RIMS2: variants seen among roughly 807,000 people sequenced by gnomAD.
RIMS2 encodes the protein regulating synaptic membrane exocytosis 2.
RIMS2 carries 59 observed loss-of-function variants against 174.4 expected under a neutral mutation model. The observed-to-expected ratio is 0.34, with a 90% CI of 0.27 to 0.42. The LOEUF (loss-of-function observed/expected upper bound fraction) is 0.42, where lower values mean the gene tolerates loss of function less well. Ranked by LOEUF, RIMS2 falls within the 10% of genes least tolerant of loss-of-function variation. The probability of loss-of-function intolerance (pLI) is 1.00; values close to 1 mark genes in which losing one functional copy is unlikely to be tolerated. For synonymous variants in RIMS2, 606 were observed against 572.5 expected (o/e 1.06, Z -0.84); for missense variants, 1,620 against 1,666.3 (o/e 0.97, Z 0.48).
intron 3 of RIMS2, among the ~76,000 whole-genome samples, chr8:103,803,356 T>C (rs1450783342): frequency 6.6e-6 from 1 of 152,152 alleles, no homozygotes; most frequent in African/African-American, 2.4e-5. Flanking sequence ...AAAGTGGTGG[T>C]TCTCAAACTT....
chr8:104,136,114 T>C (rs1458401625), intron 19 of RIMS2, among the ~76,000 whole-genome samples: 2 of 152,214 alleles, frequency 1.3e-5, no homozygotes, highest in Non-Finnish European at 2.9e-5. Flanking sequence ...CTACTCAATA[T>C]ACAAATCATC....
intron 19 of RIMS2, among the ~76,000 whole-genome samples, chr8:104,232,102 T>C (rs2099233339): frequency 3.9e-5 from 6 of 152,260 alleles, no homozygotes; most frequent in Non-Finnish European, 1.5e-5. Context: ...TTGGGAATTA[T>C]GTGATCATGT....
intron 1 of RIMS2, among the ~76,000 whole-genome samples, chr8:103,504,136 T>C (rs1288476405): frequency 6.6e-6 from 1 of 152,164 alleles, no homozygotes; most frequent in Non-Finnish European, 1.5e-5. Context: ...ATTCAATTTA[T>C]CAGTAAAATT....
chr8:104,094,180 T>A (rs1372431395), intron 19 of RIMS2, among the ~76,000 whole-genome samples: 1 of 151,978 alleles, frequency 6.6e-6, no homozygotes, highest in African/African-American at 2.4e-5. Context: ...CTAAGCTAAA[T>A]TTTGTTTTAC....
intron 3 of RIMS2, among the ~76,000 whole-genome samples, chr8:103,789,395 C>T (rs1409460196): frequency 1.3e-5 from 2 of 152,106 alleles, no homozygotes; most frequent in Non-Finnish European, 2.9e-5. Flanking sequence ...AAAGGGCTAA[C>T]ATGATTTATC....
At chr8:104,057,070 T>C (rs568817628) in intron 19 of RIMS2, among the ~76,000 whole-genome samples, 82 of 150,242 alleles carry the variant, frequency 5.5e-4, no homozygotes, top group African/African-American at 7.1e-4. Context: ...TTTCTTTTTT[T>C]TTTTTTTTTC....
At chr8:104,107,969 C>CCG (rs1555232703) in intron 19 of RIMS2, among the ~76,000 whole-genome samples, 9 of 80,684 alleles carry the variant, frequency 1.1e-4, no homozygotes, top group African/African-American at 3.7e-4. Flanking sequence ...TTTCCCCTGC[C>CCG]CCCCCCCCAC....
At chr8:103,508,300 G>C (rs1824663770) in intron 1 of RIMS2, among the ~76,000 whole-genome samples, 1 of 152,020 alleles carries the variant, frequency 6.6e-6, no homozygotes, top group South Asian at 2.1e-4. Flanking sequence ...AGTGTATCAT[G>C]GATATATTTT....
At chr8:103,939,310 C>T (rs1222029169) in intron 13 of RIMS2, among the ~76,000 whole-genome samples, 2 of 152,236 alleles carry the variant, frequency 1.3e-5, no homozygotes, top group Non-Finnish European at 2.9e-5. Flanking sequence ...CACCTGCAGG[C>T]TCAACACCAT....
intron 2 of RIMS2, among the ~76,000 whole-genome samples, chr8:103,754,851 A>G: frequency 6.6e-6 from 1 of 152,074 alleles, no homozygotes; most frequent in Non-Finnish European, 1.5e-5. Context: ...TCTCCTGAAT[A>G]CAGCACACTG....
At chr8:103,760,614 G>C (rs1372568909) in intron 2 of RIMS2, among the ~76,000 whole-genome samples, 2 of 152,142 alleles carry the variant, frequency 1.3e-5, no homozygotes, top group African/African-American at 2.4e-5. Flanking sequence ...TGAGCCTCTG[G>C]ATTTCCAGAC....
At chr8:104,032,988 G>T (rs563934158) in intron 19 of RIMS2, among the ~76,000 whole-genome samples, 1 of 152,014 alleles carries the variant, frequency 6.6e-6, no homozygotes, top group East Asian at 1.9e-4. Context: ...TATTACAATT[G>T]TAGTAAGTGC....
intron 19 of RIMS2, among the ~76,000 whole-genome samples, chr8:104,142,961 TA>T (rs1347198408): frequency 1.3e-5 from 2 of 152,218 alleles, no homozygotes; most frequent in Non-Finnish European, 2.9e-5. Flanking sequence ...GTCAAAGAAT[TA>T]GTATGAAAAA....
At chr8:103,950,151 A>T (rs1279008514) in intron 14 of RIMS2, among the ~76,000 whole-genome samples, 1 of 152,116 alleles carries the variant, frequency 6.6e-6, no homozygotes, top group Non-Finnish European at 1.5e-5. Context: ...CTCAAAAAAA[A>T]TTTCAGGCCC....
intron 19 of RIMS2, among the ~76,000 whole-genome samples, chr8:104,187,097 T>C (rs887994519): frequency 1.6e-4 from 24 of 151,872 alleles, no homozygotes; most frequent in Non-Finnish European, 3.4e-4. Context: ...GATTTTAATA[T>C]ACTTTGTCTT....
intron 1 of RIMS2, among the ~76,000 whole-genome samples, chr8:103,596,306 G>T (rs923811695): frequency 6.6e-6 from 1 of 151,946 alleles, no homozygotes; most frequent in Non-Finnish European, 1.5e-5. Flanking sequence ...ATTAATTTAG[G>T]TGATCGCCAA....
chr8:103,571,456 AG>A (rs1158198593), intron 1 of RIMS2, among the ~76,000 whole-genome samples: 2 of 152,220 alleles, frequency 1.3e-5, no homozygotes, highest in African/African-American at 4.8e-5. Flanking sequence ...TATAGAATAA[AG>A]CTGCTTTCCT....
chr8:104,234,201 TAA>T (rs2099246766), intron 19 of RIMS2, among the ~76,000 whole-genome samples: 1 of 152,168 alleles, frequency 6.6e-6, no homozygotes, highest in African/African-American at 2.4e-5. Flanking sequence ...TACAGAAAGA[TAA>T]GTTACCTGCC....
At chr8:103,571,798 A>G (rs940164617) in intron 1 of RIMS2, among the ~76,000 whole-genome samples, 4 of 152,286 alleles carry the variant, frequency 2.6e-5, no homozygotes, top group East Asian at 3.9e-4. Flanking sequence ...GACTCTCTCC[A>G]TTGGTCTCTT....
Sources: allele counts gnomAD v4.1 joint callset (sites outside exome capture counted in the v4.1 genomes callset), GRCh38; gene constraint gnomAD v4.1.1; transcripts MANE v1.5; gene names NCBI Gene and HGNC (gene_info 2026-07-23, HGNC 2026-07-21).